Variants in RAB3C observed in about 807,000 individuals in gnomAD.
The protein encoded by RAB3C is RAB3C, member RAS oncogene family, also known as ras-related protein Rab-3C.
In RAB3C, 17 loss-of-function variants were observed where a neutral mutation model predicts 26.4. That is an observed-to-expected ratio of 0.64 (90% CI 0.44 to 0.97). The LOEUF (loss-of-function observed/expected upper bound fraction) is 0.97, where lower values mean the gene tolerates loss of function less well. RAB3C is among the 50% of genes least tolerant of loss of function. The probability of loss-of-function intolerance (pLI) is 0.00; values close to 1 mark genes in which losing one functional copy is unlikely to be tolerated. For synonymous variants in RAB3C, 91 were observed against 95.9 expected, an observed-to-expected ratio of 0.95 and a Z score of 0.30; for missense variants, 242 against 281.9, an observed-to-expected ratio of 0.86 and a Z score of 1.01.
intron 2 of RAB3C, among the ~76,000 whole-genome samples, chr5:58,693,340 A>ATATATATATATATATATATATATG (rs1748615482): frequency 1.4e-5 from 1 of 73,074 alleles, no homozygotes; most frequent in African/African-American, 5.3e-5. Flanking sequence ...ATATGTGTAT[A>ATATATATATATATATATATATATG]TATATATATA....
In RAB3C at chr5:58,717,379, C is replaced by T. The variant is rs145840154; in HGVS notation, c.253-8623C>T. Among the ~76,000 whole-genome samples, 9 of 152,144 alleles carry T rather than the reference C, an allele frequency of 5.9e-5. No homozygotes were observed. The East Asian group carries it at 1.5e-3, about 26-fold the overall frequency. On this transcript the variant is annotated intron_variant, in intron 2 of 4. Transcript: ENST00000282878. ...GATGAAGGGAGGGCAGATGACTGTA[C>T]GTAACCTGATGTGCAATTACAATTC...
intron 2 of RAB3C, among the ~76,000 whole-genome samples, chr5:58,662,197 C>A (rs1178298294): frequency 6.7e-6 from 1 of 149,966 alleles, no homozygotes; most frequent in Admixed American, 6.6e-5. Context: ...TTATTAGACT[C>A]TGGAAGGGGC....
chr5:58,751,395 A>C (rs1465559336), intron 3 of RAB3C, among the ~76,000 whole-genome samples: 4 of 152,324 alleles, frequency 2.6e-5, no homozygotes, highest in South Asian at 4.1e-4. Flanking sequence ...GTCAAGCATG[A>C]GTCACAGCCA....
At chr5:58,637,231 C>T (rs887837062) in intron 2 of RAB3C, among the ~76,000 whole-genome samples, 4 of 151,932 alleles carry the variant, frequency 2.6e-5, no homozygotes, top group Non-Finnish European at 5.9e-5. Context: ...TTTCTGGCTT[C>T]CTGAACTCAA....
intron 2 of RAB3C, among the ~76,000 whole-genome samples, chr5:58,674,608 C>T (rs1433547333): frequency 2.6e-5 from 4 of 152,024 alleles, no homozygotes; most frequent in Non-Finnish European, 4.4e-5. Context: ...ACCATGTGGT[C>T]AATACAATAC....
intron 3 of RAB3C, among the ~76,000 whole-genome samples, chr5:58,765,439 C>T (rs1741880728): frequency 6.6e-6 from 1 of 152,096 alleles, no homozygotes; most frequent in Admixed American, 6.6e-5. Context: ...AAATAAAACT[C>T]GCTCATTTTA....
chr5:58,858,203 T>A lies in RAB3C; in HGVS notation c.*6852T>A, dbSNP rs1305054024. The A allele has an allele frequency of 6.6e-6, 1 of 152,186 alleles. No homozygotes were observed. The highest frequency in any genetic ancestry group is 2.4e-5 in the African/African-American group (1 of 41,452). 9.4% of individuals were successfully genotyped at this position (152,186 alleles called of 1,614,324 possible). A position where few individuals can be genotyped will look rare whatever the true frequency, so the allele number is the denominator to read the frequency against. ...AAATGGATTTGGTCTATGTGGGTGA[T>A]ATGTGGCCTGAATGTAACTGTGATA... On this transcript the variant is annotated 3_prime_UTR_variant, in exon 5 of 5. Transcript: ENST00000282878.
intron 2 of RAB3C, among the ~76,000 whole-genome samples, chr5:58,719,862 AG>A (rs1259303703): frequency 6.6e-6 from 1 of 151,954 alleles, no homozygotes; most frequent in African/African-American, 2.4e-5. Flanking sequence ...CCAAAATCTC[AG>A]AAATAACCAC....
At chr5:58,777,839 G>T (rs1487211847) in intron 3 of RAB3C, among the ~76,000 whole-genome samples, 1 of 151,650 alleles carries the variant, frequency 6.6e-6, no homozygotes, top group Non-Finnish European at 1.5e-5. Context: ...GTGAGAACAT[G>T]TGGTGTTTGG....
At chr5:58,842,649 TGC>T (rs2112081408) in intron 4 of RAB3C, among the ~76,000 whole-genome samples, 1 of 152,356 alleles carries the variant, frequency 6.6e-6, no homozygotes, top group South Asian at 2.1e-4. Flanking sequence ...TCTCATCCTC[TGC>T]CTTGAGAGTT....
intron 3 of RAB3C, among the ~76,000 whole-genome samples, chr5:58,797,753 C>A (rs1277984303): frequency 1.3e-5 from 2 of 152,056 alleles, no homozygotes; most frequent in Admixed American, 6.6e-5. Flanking sequence ...AGAGGGAAAT[C>A]TTTTAACCAC....
intron 1 of RAB3C, among the ~76,000 whole-genome samples, chr5:58,591,398 C>A (rs955513545): frequency 6.6e-6 from 1 of 151,812 alleles, no homozygotes; most frequent in Non-Finnish European, 1.5e-5. Context: ...TGAGTTTTTT[C>A]ATATATTTTG....
chr5:58,617,390 C>G, intron 1 of RAB3C: 1 of 680,508 alleles, frequency 1.5e-6, no homozygotes, highest in South Asian at 1.5e-5. Flanking sequence ...TTGATTGGTT[C>G]TGAATGCTGA....
intron 3 of RAB3C, among the ~76,000 whole-genome samples, chr5:58,744,514 G>A (rs1397431804): frequency 6.6e-6 from 1 of 152,154 alleles, no homozygotes; most frequent in Non-Finnish European, 1.5e-5. Flanking sequence ...AGCATGAACA[G>A]CAACTGGAGA....
chr5:58,600,488 A>C (rs1746428774), intron 1 of RAB3C, among the ~76,000 whole-genome samples: 1 of 151,944 alleles, frequency 6.6e-6, no homozygotes, highest in African/African-American at 2.4e-5. Flanking sequence ...ATGTGTTTCC[A>C]TTTGTTTGTG....
intron 1 of RAB3C, among the ~76,000 whole-genome samples, chr5:58,601,439 G>A (rs1234911694): frequency 6.6e-6 from 1 of 152,084 alleles, no homozygotes; most frequent in Non-Finnish European, 1.5e-5. Flanking sequence ...TTCTTTGAAT[G>A]TCTGGTAGAA....
At chr5:58,742,877 CT>C (rs1741306884) in intron 3 of RAB3C, among the ~76,000 whole-genome samples, 1 of 151,946 alleles carries the variant, frequency 6.6e-6, no homozygotes, top group Non-Finnish European at 1.5e-5. Context: ...AGGAAAATTT[CT>C]TTTTTTAATT....
rs139222036 is a variant in RAB3C at position 58,662,601 on chromosome 5, G to A, written c.252+44731G>A. 3.3e-4 allele frequency among the ~76,000 whole-genome samples: 50 copies of A among 150,248 alleles called. No individual in the cohort carries two copies. The South Asian group carries it at 5.2e-3, about 16-fold the overall frequency. On this transcript the variant is annotated intron_variant, in intron 2 of 4. Coordinates refer to ENST00000282878, the MANE Select transcript of RAB3C (RefSeq NM_138453.4). The stretch of plus-strand genomic sequence containing the variant: ...AAGATAAATAATTGGCCCAAATGTC[G>A]TATATCTTATAAAAAAGATCTGAGA...
At chr5:58,593,910 T>A (rs1295925151) in intron 1 of RAB3C, among the ~76,000 whole-genome samples, 2 of 152,194 alleles carry the variant, frequency 1.3e-5, no homozygotes, top group Non-Finnish European at 2.9e-5. Flanking sequence ...ATTAGTAACT[T>A]AGGTCTAGCG....
Sources: gnomAD v4.1 joint callset for allele counts (sites outside exome capture counted in the v4.1 genomes callset) on GRCh38, gnomAD v4.1.1 for gene constraint, MANE v1.5 for transcripts, NCBI Gene and HGNC (gene_info 2026-07-23, HGNC 2026-07-21) for gene names.